C8orf34: variants seen among roughly 807,000 people sequenced by gnomAD.
C8orf34 encodes uncharacterized protein C8orf34.
In C8orf34, 65 loss-of-function variants were observed where a neutral mutation model predicts 68.3. That is an observed-to-expected ratio of 0.95 (90% CI 0.78 to 1.17). C8orf34 has a LOEUF of 1.17. Ranked by LOEUF, C8orf34 falls within the 50% of genes most tolerant of loss-of-function variation. The pLI, the probability that C8orf34 is intolerant of heterozygous loss-of-function variation, is 0.00. For synonymous variants in C8orf34, 244 were observed against 241.2 expected, an observed-to-expected ratio of 1.01 and a Z score of -0.11; for missense variants, 664 against 655.4, an observed-to-expected ratio of 1.01 and a Z score of -0.14.
intron 10 of C8orf34, among the ~76,000 whole-genome samples, chr8:68,727,920 C>T (rs947906148): frequency 6.6e-6 from 1 of 152,190 alleles, no homozygotes; most frequent in Non-Finnish European, 1.5e-5. Flanking sequence ...GGCCTGGAGA[C>T]ATTTTGTCTT....
Position 68,455,749 on chromosome 8 carries a change from T to C in C8orf34, c.607+9289T>C, listed in dbSNP as rs999499861. ...ATTTACATCTATTTCTTATTGTAAA[T>C]ATAATGAGGTTAAAACTCTTTAGGA... On this transcript the variant is annotated intron_variant, in intron 3 of 13. Coordinates refer to ENST00000518698, the MANE Select transcript of C8orf34 (RefSeq NM_052958.4). Among the ~76,000 whole-genome samples the C allele has an allele frequency of 1.7e-4, 26 of 152,072 alleles. 1 individual carries two copies. The highest frequency in any genetic ancestry group is 1.5e-5 in the Non-Finnish European group (1 of 68,002).
At chr8:68,533,387 A>C in intron 7 of C8orf34, 1 of 1,208,310 alleles carries the variant, frequency 8.3e-7, no homozygotes, top group East Asian at 3.9e-5. Context: ...GCTGCACTTT[A>C]CCTTCTGACT....
intron 10 of C8orf34, among the ~76,000 whole-genome samples, chr8:68,733,980 T>C (rs1000055282): frequency 1.3e-5 from 2 of 152,180 alleles, no homozygotes; most frequent in Non-Finnish European, 2.9e-5. Flanking sequence ...TTTACTTAAA[T>C]CTGAATTTCT....
At chr8:68,396,889 C>A (rs1489462736) in intron 1 of C8orf34, among the ~76,000 whole-genome samples, 1 of 151,992 alleles carries the variant, frequency 6.6e-6, no homozygotes, top group Non-Finnish European at 1.5e-5. Flanking sequence ...ATACAGCCTG[C>A]AGAACTGTGA....
intron 6 of C8orf34, among the ~76,000 whole-genome samples, chr8:68,523,640 G>A (rs1814851135): frequency 1.3e-5 from 2 of 152,086 alleles, no homozygotes; most frequent in Admixed American, 1.3e-4. Flanking sequence ...TTAAATTTCA[G>A]GAACAGCAGT....
intron 1 of C8orf34, among the ~76,000 whole-genome samples, chr8:68,396,741 A>AG (rs1808728027): frequency 4.9e-5 from 7 of 143,032 alleles, no homozygotes; most frequent in African/African-American, 1.9e-4. Context: ...AAAAAAAAAA[A>AG]GCCTGGTGCC....
At chr8:68,581,838 A>G (rs1409855974) in intron 7 of C8orf34, among the ~76,000 whole-genome samples, 1 of 152,100 alleles carries the variant, frequency 6.6e-6, no homozygotes. Flanking sequence ...TCTTGCCAGT[A>G]CATCTCGTTG....
intron 7 of C8orf34, among the ~76,000 whole-genome samples, chr8:68,568,382 GTGAGAGACT>G (rs1266756751): frequency 6.6e-6 from 1 of 152,100 alleles, no homozygotes; most frequent in Non-Finnish European, 1.5e-5. Flanking sequence ...GCTTTTGCAA[GTGAGAGACT>G]TGCAACTCAT....
intron 9 of C8orf34, among the ~76,000 whole-genome samples, chr8:68,713,281 A>C (rs549844218): frequency 6.6e-6 from 1 of 152,124 alleles, no homozygotes; most frequent in Non-Finnish European, 1.5e-5. Flanking sequence ...CTGGAGAAAC[A>C]AGAACTATCC....
chr8:68,580,479 T>C (rs1227331202), intron 7 of C8orf34, among the ~76,000 whole-genome samples: 1 of 152,148 alleles, frequency 6.6e-6, no homozygotes, highest in African/African-American at 2.4e-5. Context: ...GGAAACTTTA[T>C]AGTGAATGCT....
rs140568301 is a variant in C8orf34 at position 68,512,427 on chromosome 8, G to A, written c.766-9372G>A. On this transcript the variant is annotated intron_variant, in intron 5 of 13. Transcript: ENST00000518698. ...AGGGGCCCTTTGAACCATTCAAAAA[G>A]CCAGGTGTCAGGGAAAACAATTTTG... Among the ~76,000 whole-genome samples, 56 of 152,200 alleles carry A rather than the reference G, an allele frequency of 3.7e-4. 1 individual carries two copies. In the East Asian group the frequency reaches 9.5e-3, roughly 26 times the overall value.
At chr8:68,668,052 A>C (rs1241277030) in intron 8 of C8orf34, among the ~76,000 whole-genome samples, 3 of 152,198 alleles carry the variant, frequency 2.0e-5, no homozygotes, top group Non-Finnish European at 4.4e-5. Context: ...TTGACAGCTC[A>C]GAAATTCTAG....
At chr8:68,532,001 G>A (rs930595412) in intron 6 of C8orf34, among the ~76,000 whole-genome samples, 4 of 152,004 alleles carry the variant, frequency 2.6e-5, no homozygotes, top group African/African-American at 7.2e-5. Context: ...CAGAGACATA[G>A]GCCAGGGGAA....
chr8:68,780,466 A>AT (rs34579399), intron 11 of C8orf34, among the ~76,000 whole-genome samples: 7,069 of 152,274 alleles, frequency 0.046, 244 homozygotes, highest in Middle Eastern at 0.071. Flanking sequence ...AATATTTTGC[A>AT]TTTACTTTGT....
At chr8:68,461,021 G>T (rs1811794093) in intron 3 of C8orf34, among the ~76,000 whole-genome samples, 1 of 152,090 alleles carries the variant, frequency 6.6e-6, no homozygotes, top group Non-Finnish European at 1.5e-5. Context: ...TCAAACCAAA[G>T]GCAAAGAACT....
chr8:68,756,088 A>AC (rs1822852372), intron 10 of C8orf34, among the ~76,000 whole-genome samples: 1 of 138,154 alleles, frequency 7.2e-6, no homozygotes, highest in Non-Finnish European at 1.5e-5. Context: ...CAAAAAAACA[A>AC]AAAAAAAAAC....
intron 7 of C8orf34, among the ~76,000 whole-genome samples, chr8:68,609,927 T>G (rs1483972325): frequency 6.6e-6 from 1 of 152,048 alleles, no homozygotes; most frequent in East Asian, 1.9e-4. Context: ...GCAAAAGACG[T>G]GGAACAGAAG....
intron 1 of C8orf34, among the ~76,000 whole-genome samples, chr8:68,354,066 A>G (rs1013148838): frequency 3.3e-5 from 5 of 152,060 alleles, no homozygotes; most frequent in Admixed American, 2.0e-4. Flanking sequence ...AGTTGTTTAT[A>G]GTGTTTACTC....
chr8:68,722,668 C>G (rs944614675), intron 10 of C8orf34, among the ~76,000 whole-genome samples: 2 of 151,948 alleles, frequency 1.3e-5, no homozygotes, highest in Non-Finnish European at 2.9e-5. Context: ...ATTTGTTTTA[C>G]TGTCCATTTC....
Sources: allele counts gnomAD v4.1 joint callset (sites outside exome capture counted in the v4.1 genomes callset), GRCh38; gene constraint gnomAD v4.1.1; transcripts MANE v1.5; gene names NCBI Gene and HGNC (gene_info 2026-07-23, HGNC 2026-07-21).